Variants in SMYD3 observed in about 807,000 individuals in gnomAD.
The protein encoded by SMYD3 is histone-lysine N-methyltransferase SMYD3.
A neutral mutation model predicts 57.7 loss-of-function variants in SMYD3; 36 were observed. The ratio of observed to expected loss-of-function variants is 0.62; its 90% CI spans 0.48 to 0.82. SMYD3 has a LOEUF of 0.82. SMYD3 is among the 40% of genes least tolerant of loss of function. The pLI is 0.00. For synonymous variants in SMYD3, 211 were observed against 195.0 expected (o/e 1.08, Z -0.68); for missense variants, 515 against 538.8 (o/e 0.96, Z 0.44).
At position 246,482,547 on chromosome 1, in the gene SMYD3, C is replaced by T. The variant is rs557042766; in HGVS notation, c.164+24507G>A. Among the ~76,000 whole-genome samples the T allele has an allele frequency of 3.3e-5, 5 of 152,246 alleles. No homozygotes were observed. In the South Asian group the frequency reaches 1.0e-3, roughly 32 times the overall value. On this transcript the variant is annotated intron_variant, in intron 1 of 11. Transcript: ENST00000490107. ...CAAGTTCAAACCCTCTCCCTAACTGCAGATTAGCAGTCATGGTGGGCTCTC... is the reference window on the plus strand; with the variant it reads ...CAAGTTCAAACCCTCTCCCTAACTGTAGATTAGCAGTCATGGTGGGCTCTC...
intron 2 of SMYD3, among the ~76,000 whole-genome samples, chr1:246,337,215 T>G (rs1169040417): frequency 6.6e-6 from 1 of 152,068 alleles, no homozygotes; most frequent in Non-Finnish European, 1.5e-5. Context: ...CAAGTAAGTT[T>G]TAAAAACACA....
chr1:245,984,674 C>T (rs1327743874), intron 5 of SMYD3, among the ~76,000 whole-genome samples: 2 of 152,228 alleles, frequency 1.3e-5, no homozygotes, highest in African/African-American at 2.4e-5. Context: ...AGAGCAGACT[C>T]TGAGAACAAC....
chr1:246,072,398 C>CTT (rs1572979085), intron 5 of SMYD3, among the ~76,000 whole-genome samples: 2 of 121,988 alleles, frequency 1.6e-5, no homozygotes, highest in Non-Finnish European at 1.7e-5. Flanking sequence ...CTCACTGTGG[C>CTT]TGCATCCTGT....
At chr1:246,328,889 G>T (rs2065407144) in intron 4 of SMYD3, among the ~76,000 whole-genome samples, 1 of 149,310 alleles carries the variant, frequency 6.7e-6, no homozygotes, top group East Asian at 2.0e-4. Flanking sequence ...CCCTTCCTGT[G>T]TCCATGTGTT....
At chr1:246,439,561 C>T (rs1294003484) in intron 1 of SMYD3, among the ~76,000 whole-genome samples, 1 of 152,104 alleles carries the variant, frequency 6.6e-6, no homozygotes, top group African/African-American at 2.4e-5. Context: ...CTGTTTCTTT[C>T]CTTAGTGTGC....
At chr1:245,931,497 G>C (rs2056714727) in intron 5 of SMYD3, among the ~76,000 whole-genome samples, 1 of 152,160 alleles carries the variant, frequency 6.6e-6, no homozygotes, top group African/African-American at 2.4e-5. Flanking sequence ...GGAGTTGAGA[G>C]CAAGTCCAAC....
intron 5 of SMYD3, among the ~76,000 whole-genome samples, chr1:246,170,363 T>A (rs1301306382): frequency 6.6e-6 from 1 of 151,506 alleles, no homozygotes; most frequent in Non-Finnish European, 1.5e-5. Context: ...GCATGTAGCT[T>A]CCCTTTACAT....
At chr1:246,111,999 G>T (rs2061252395) in intron 5 of SMYD3, among the ~76,000 whole-genome samples, 1 of 152,088 alleles carries the variant, frequency 6.6e-6, no homozygotes. Context: ...TGATTATCCT[G>T]GATAGATGCA....
chr1:246,398,896 T>C (rs1272332918), intron 1 of SMYD3, among the ~76,000 whole-genome samples: 1 of 152,226 alleles, frequency 6.6e-6, no homozygotes, highest in Non-Finnish European at 1.5e-5. Context: ...CAGCCCTCTT[T>C]CTACTATTAA....
chr1:246,006,394 T>C (rs1466582826), intron 5 of SMYD3, among the ~76,000 whole-genome samples: 1 of 152,028 alleles, frequency 6.6e-6, no homozygotes, highest in Non-Finnish European at 1.5e-5. Context: ...TGGACCCACG[T>C]AGGTTCCTCT....
chr1:246,435,533 G>A lies in SMYD3; in HGVS notation c.164+71521C>T, dbSNP rs193182073. On this transcript the variant is annotated intron_variant, in intron 1 of 11. Transcript: ENST00000490107. ...TTCTTTGGTAAGGGTAGTGTGTTAC[G>A]CAAAGAGGTATTCTGAGTAACTGTA... Among the ~76,000 whole-genome samples the A allele has an allele frequency of 2.0e-3, 305 of 151,872 alleles. 4 individuals are homozygous for A. The highest frequency in any genetic ancestry group is 6.0e-3 in the South Asian group (29 of 4,794).
chr1:246,247,513 T>C (rs1005811265), intron 5 of SMYD3, among the ~76,000 whole-genome samples: 3 of 145,990 alleles, frequency 2.1e-5, no homozygotes, highest in Admixed American at 6.9e-5. Flanking sequence ...CATATATATA[T>C]ATATACACAC....
At chr1:245,966,485 TA>T (rs1328341202) in intron 5 of SMYD3, among the ~76,000 whole-genome samples, 1 of 152,188 alleles carries the variant, frequency 6.6e-6, no homozygotes, top group African/African-American at 2.4e-5. Context: ...TGCTATTTTC[TA>T]GCATAACATG....
chr1:246,493,262 TG>T (rs2068299303), intron 1 of SMYD3, among the ~76,000 whole-genome samples: 1 of 151,736 alleles, frequency 6.6e-6, no homozygotes, highest in Non-Finnish European at 1.5e-5. Flanking sequence ...GCCAGGAGTT[TG>T]AGGCCAGCCT....
intron 5 of SMYD3, among the ~76,000 whole-genome samples, chr1:245,939,708 A>G (rs986469968): frequency 6.6e-6 from 1 of 152,120 alleles, no homozygotes; most frequent in African/African-American, 2.4e-5. Flanking sequence ...GTCCCCATCA[A>G]CTTTTCTAGT....
chr1:245,993,542 C>T (rs12069281), intron 5 of SMYD3, among the ~76,000 whole-genome samples: 136 of 150,832 alleles, frequency 9.0e-4, no homozygotes, highest in African/African-American at 3.2e-3. Context: ...CAAGACCAGG[C>T]TAGGCAACAT....
At chr1:246,237,309 C>T (rs55731122) in intron 5 of SMYD3, among the ~76,000 whole-genome samples, 31,527 of 152,084 alleles carry the variant, frequency 0.21, 3,965 homozygotes, top group East Asian at 0.58. Flanking sequence ...CCTTTCCTGA[C>T]CATCGCCTCC....
At chr1:246,395,238 T>C (rs1192936973) in intron 1 of SMYD3, among the ~76,000 whole-genome samples, 1 of 152,198 alleles carries the variant, frequency 6.6e-6, no homozygotes, top group Non-Finnish European at 1.5e-5. Flanking sequence ...CAGAACCAAA[T>C]AGCATGGATC....
intron 5 of SMYD3, among the ~76,000 whole-genome samples, chr1:246,136,384 C>T (rs1338076429): frequency 6.6e-6 from 1 of 152,128 alleles, no homozygotes; most frequent in Non-Finnish European, 1.5e-5. Flanking sequence ...CCTTAGACAC[C>T]TCATGGAGGA....
Sources: allele counts gnomAD v4.1 joint callset (sites outside exome capture counted in the v4.1 genomes callset), GRCh38; gene constraint gnomAD v4.1.1; transcripts MANE v1.5; gene names NCBI Gene and HGNC (gene_info 2026-07-23, HGNC 2026-07-21).